The following ASIC2 variants were observed in gnomAD, a reference collection of about 807,000 sequenced individuals.
ASIC2 encodes the protein acid-sensing ion channel 2.
In ASIC2, 25 loss-of-function variants were observed where a neutral mutation model predicts 57.3. That is an observed-to-expected ratio of 0.44 (90% CI 0.32 to 0.61). The LOEUF is 0.61. Ranked by LOEUF, ASIC2 falls within the 20% of genes least tolerant of loss-of-function variation. The probability of loss-of-function intolerance (pLI) is 0.06; values close to 1 mark genes in which losing one functional copy is unlikely to be tolerated. For synonymous variants in ASIC2, 319 were observed against 307.5 expected, an observed-to-expected ratio of 1.04 and a Z score of -0.39; for missense variants, 641 against 738.1, an observed-to-expected ratio of 0.87 and a Z score of 1.52.
At chr17:33,543,811 C>T (rs965388654) in intron 1 of ASIC2, among the ~76,000 whole-genome samples, 7 of 152,166 alleles carry the variant, frequency 4.6e-5, no homozygotes, top group African/African-American at 7.2e-5. Context: ...AGCTAGTAAA[C>T]GGAAAAGCTG....
At chr17:33,892,248 G>A (rs956035837) in intron 1 of ASIC2, among the ~76,000 whole-genome samples, 11 of 152,136 alleles carry the variant, frequency 7.2e-5, no homozygotes, top group African/African-American at 2.7e-4. Context: ...CAGAAAATAT[G>A]ATAGCAAGGG....
intron 1 of ASIC2, among the ~76,000 whole-genome samples, chr17:34,100,201 A>T (rs1479084150): frequency 3.1e-4 from 32 of 101,664 alleles, no homozygotes; most frequent in Non-Finnish European, 5.5e-4. Context: ...TTTTTTTTTT[A>T]AATCAATTGG....
chr17:34,046,235 AAATAAAT>A (rs1908331276), intron 1 of ASIC2, among the ~76,000 whole-genome samples: 1 of 152,232 alleles, frequency 6.6e-6, no homozygotes, highest in Non-Finnish European at 1.5e-5. Flanking sequence ...ATTTGCGAGC[AAATAAAT>A]AGTTGTTATG....
chr17:33,098,148 T>A (rs966610847), intron 2 of ASIC2, among the ~76,000 whole-genome samples: 1 of 152,218 alleles, frequency 6.6e-6, no homozygotes, highest in Non-Finnish European at 1.5e-5. Context: ...TAAAATTCTA[T>A]GAGCTGAGGG....
intron 1 of ASIC2, among the ~76,000 whole-genome samples, chr17:33,870,652 A>C (rs918831125): frequency 1.3e-5 from 2 of 152,062 alleles, no homozygotes; most frequent in African/African-American, 4.8e-5. Flanking sequence ...CTCAGGCCAG[A>C]GCCTCTTAGA....
At chr17:33,339,300 T>TG (rs1567827875) in intron 1 of ASIC2, among the ~76,000 whole-genome samples, 1 of 152,262 alleles carries the variant, frequency 6.6e-6, no homozygotes, top group East Asian at 1.9e-4. Flanking sequence ...TCTACAGGTC[T>TG]GGGGGCAGCA....
At chr17:33,363,726 C>A (rs896248470) in intron 1 of ASIC2, among the ~76,000 whole-genome samples, 1 of 152,300 alleles carries the variant, frequency 6.6e-6, no homozygotes. Flanking sequence ...AAAGTTGCCA[C>A]GGCAACAGGG....
At chr17:33,225,613 TA>T (rs1455334267) in intron 1 of ASIC2, among the ~76,000 whole-genome samples, 1 of 152,174 alleles carries the variant, frequency 6.6e-6, no homozygotes, top group African/African-American at 2.4e-5. Context: ...CCATGGAGGT[TA>T]GGGGGACTGG....
chr17:33,126,510 A>G (rs989212160), intron 1 of ASIC2, among the ~76,000 whole-genome samples: 2 of 152,174 alleles, frequency 1.3e-5, no homozygotes, highest in African/African-American at 4.8e-5. Flanking sequence ...AGTTCTAGCC[A>G]GGCATGGCTC....
At chr17:33,659,281 T>C (rs1434426770) in intron 1 of ASIC2, among the ~76,000 whole-genome samples, 1 of 152,072 alleles carries the variant, frequency 6.6e-6, no homozygotes, top group Non-Finnish European at 1.5e-5. Flanking sequence ...ACCCCTCCAC[T>C]CCAGTTCCTT....
At position 33,472,850 on chromosome 17, in the gene ASIC2, T is replaced by C. The variant is rs141067400; in HGVS notation, c.556-360783A>G. 1.4e-4 allele frequency among the ~76,000 whole-genome samples: 22 copies of C among 152,136 alleles called. No homozygotes were observed. In the East Asian group the frequency reaches 1.5e-3, roughly 11 times the overall value. On this transcript the variant is annotated intron_variant, in intron 1 of 9. Transcript: ENST00000359872. ...TGGGGTTTTGGCTGGGGGTTTGGAG[T>C]CCAGGAATTCTGGGCCCTAATCTTG...
chr17:33,779,719 A>G (rs1412551657), intron 1 of ASIC2, among the ~76,000 whole-genome samples: 1 of 152,216 alleles, frequency 6.6e-6, no homozygotes, highest in Non-Finnish European at 1.5e-5. Flanking sequence ...TGGGATAATA[A>G]TAACAACAGC....
intron 3 of ASIC2, among the ~76,000 whole-genome samples, chr17:33,038,553 G>T (rs1356172983): frequency 6.6e-6 from 1 of 152,134 alleles, no homozygotes. Flanking sequence ...GGATTGAGAT[G>T]CTCCTGCATG....
chr17:33,899,130 G>GAAA (rs35843628), intron 1 of ASIC2, among the ~76,000 whole-genome samples: 3 of 140,818 alleles, frequency 2.1e-5, no homozygotes, highest in African/African-American at 5.3e-5. Flanking sequence ...TCCATCTCAG[G>GAAA]AAAAAAAAAA....
chr17:33,540,716 C>T (rs34073258), intron 1 of ASIC2, among the ~76,000 whole-genome samples: 35,548 of 152,040 alleles, frequency 0.23, 4,833 homozygotes, highest in Non-Finnish European at 0.31. Flanking sequence ...GGTGCATTCA[C>T]TGAGCATAGG....
At chr17:33,578,867 G>C (rs144211305) in intron 1 of ASIC2, among the ~76,000 whole-genome samples, 2 of 152,298 alleles carry the variant, frequency 1.3e-5, no homozygotes, top group African/African-American at 2.4e-5. Context: ...TCTGTGACCT[G>C]AAACAGTGAC....
chr17:33,967,815 C>A (rs1905117033), intron 1 of ASIC2, among the ~76,000 whole-genome samples: 1 of 152,152 alleles, frequency 6.6e-6, no homozygotes, highest in South Asian at 2.1e-4. Context: ...TGTGAGTAGA[C>A]AAGATGTGAC....
intron 1 of ASIC2, among the ~76,000 whole-genome samples, chr17:33,579,023 C>T (rs1916755954): frequency 6.6e-6 from 1 of 152,140 alleles, no homozygotes; most frequent in Non-Finnish European, 1.5e-5. Context: ...CGCTGTCTCA[C>T]TCCTGTAATC....
intron 1 of ASIC2, among the ~76,000 whole-genome samples, chr17:33,994,730 G>T (rs1348812026): frequency 1.3e-5 from 2 of 152,120 alleles, no homozygotes; most frequent in Non-Finnish European, 2.9e-5. Flanking sequence ...CTTCTTGACT[G>T]TGAACCCACT....
Sources: allele counts gnomAD v4.1 joint callset (sites outside exome capture counted in the v4.1 genomes callset), GRCh38; gene constraint gnomAD v4.1.1; transcripts MANE v1.5; gene names NCBI Gene and HGNC (gene_info 2026-07-23, HGNC 2026-07-21).